Variants in BTBD9 observed in about 807,000 individuals in gnomAD.
BTBD9 encodes BTB domain containing 9, also known as BTB/POZ domain-containing protein 9.
In BTBD9, 49 loss-of-function variants were observed where a neutral mutation model predicts 64.3. The observed-to-expected ratio is 0.76, with a 90% CI of 0.61 to 0.97. The LOEUF (loss-of-function observed/expected upper bound fraction) is 0.97. BTBD9 is among the 50% of genes least tolerant of loss of function. The pLI is 0.00. For synonymous variants in BTBD9, 260 were observed against 274.7 expected, an observed-to-expected ratio of 0.95 and a Z score of 0.53; for missense variants, 598 against 762.1, an observed-to-expected ratio of 0.78 and a Z score of 2.53.
intron 1 of BTBD9, among the ~76,000 whole-genome samples, chr6:38,616,352 G>T (rs1777789005): frequency 6.6e-6 from 1 of 152,122 alleles, no homozygotes. Context: ...TTATATAATG[G>T]CCATCAATAC....
At chr6:38,434,293 T>C (rs796991924) in intron 6 of BTBD9, among the ~76,000 whole-genome samples, 1 of 151,960 alleles carries the variant, frequency 6.6e-6, no homozygotes, top group Non-Finnish European at 1.5e-5. Flanking sequence ...ACATTCGTCA[T>C]CTGTTGTCTC....
intron 7 of BTBD9, among the ~76,000 whole-genome samples, chr6:38,326,067 AG>A (rs897723593): frequency 4.6e-5 from 7 of 152,082 alleles, no homozygotes; most frequent in South Asian, 2.1e-4. Flanking sequence ...GACTAGGGGT[AG>A]GGGGGGTCAG....
Position 38,455,210 on chromosome 6 carries a change from C to A in BTBD9, c.1155-110117G>T, listed in dbSNP as rs894536289. ...TTTAAAAAATGCAGAGACTCATGTA[C>A]TTACCACCACAACAATCACAAAACA... On this transcript the variant is annotated intron_variant, in intron 6 of 10. Coordinates refer to ENST00000481247, the MANE Select transcript of BTBD9 (RefSeq NM_001099272.2). Among the ~76,000 whole-genome samples the A allele has an allele frequency of 2.0e-5, 3 of 152,192 alleles. No homozygotes were observed. The East Asian group carries it at 5.8e-4, about 29-fold the overall frequency.
At chr6:38,391,395 C>T (rs891786196) in intron 6 of BTBD9, among the ~76,000 whole-genome samples, 13 of 152,116 alleles carry the variant, frequency 8.5e-5, no homozygotes, top group African/African-American at 3.1e-4. Flanking sequence ...TTGGAGAAGG[C>T]TTTTTGGATG....
intron 9 of BTBD9, among the ~76,000 whole-genome samples, chr6:38,198,686 T>C (rs557419949): frequency 1.2e-4 from 18 of 152,294 alleles, no homozygotes; most frequent in Admixed American, 3.3e-4. Context: ...GACAGGAAAG[T>C]ATTTGGCTAG....
At chr6:38,216,680 T>C (rs549303394) in intron 9 of BTBD9, among the ~76,000 whole-genome samples, 1 of 152,314 alleles carries the variant, frequency 6.6e-6, no homozygotes, top group Non-Finnish European at 1.5e-5. Context: ...AGAACCACTA[T>C]ACAATGAACT....
At chr6:38,295,006 C>T (rs1004695788) in intron 7 of BTBD9, among the ~76,000 whole-genome samples, 1 of 151,824 alleles carries the variant, frequency 6.6e-6, no homozygotes, top group Admixed American at 6.6e-5. Context: ...GAATCATTCT[C>T]AATTTCTCTT....
intron 6 of BTBD9, among the ~76,000 whole-genome samples, chr6:38,371,176 T>A (rs980347110): frequency 4.6e-5 from 7 of 152,164 alleles, no homozygotes; most frequent in African/African-American, 1.7e-4. Flanking sequence ...CCCCATTGCT[T>A]TAATGGGTCT....
intron 1 of BTBD9, among the ~76,000 whole-genome samples, chr6:38,600,594 C>T (rs556796374): frequency 1.3e-5 from 2 of 152,124 alleles, no homozygotes; most frequent in South Asian, 2.1e-4. Flanking sequence ...CTAAACAAAA[C>T]GCTCTTCCTG....
rs184399220 is a variant in BTBD9 at position 38,392,992 on chromosome 6, A to G, written c.1155-47899T>C. On this transcript the variant is annotated intron_variant, in intron 6 of 10. Coordinates refer to ENST00000481247, the MANE Select transcript of BTBD9 (RefSeq NM_001099272.2). The stretch of plus-strand genomic sequence containing the variant: ...CAGGTTCAAACAATTCTCCTGCCTC[A>G]GGCTCCTGAGTAGCTGGGATTACAG... Among the ~76,000 whole-genome samples, 3 of 151,286 alleles carry G rather than the reference A, an allele frequency of 2.0e-5. 1 individual carries two copies. In the East Asian group the frequency reaches 5.9e-4, roughly 30 times the overall value.
intron 7 of BTBD9, among the ~76,000 whole-genome samples, chr6:38,301,018 T>A (rs1762378114): frequency 6.6e-6 from 1 of 152,218 alleles, no homozygotes; most frequent in African/African-American, 2.4e-5. Context: ...GCTCTTATTA[T>A]TTTGAGATAC....
intron 1 of BTBD9, chr6:38,612,825 T>C (rs1447541604): frequency 6.6e-6 from 1 of 152,260 alleles, no homozygotes; most frequent in Non-Finnish European, 1.5e-5. Context: ...CAAGAATTAC[T>C]ACTCTTACCT....
intron 6 of BTBD9, among the ~76,000 whole-genome samples, chr6:38,474,135 T>C (rs541050316): frequency 1.3e-5 from 2 of 152,208 alleles, no homozygotes; most frequent in Non-Finnish European, 2.9e-5. Context: ...ATCTGATTTA[T>C]GTCTTAAAAA....
chr6:38,379,426 G>A (rs919814937), intron 6 of BTBD9, among the ~76,000 whole-genome samples: 1 of 152,108 alleles, frequency 6.6e-6, no homozygotes, highest in Non-Finnish European at 1.5e-5. Context: ...TCTTCTAGCG[G>A]GTTTGCTCTA....
intron 6 of BTBD9, among the ~76,000 whole-genome samples, chr6:38,454,263 A>C (rs1769687938): frequency 6.6e-6 from 1 of 152,082 alleles, no homozygotes; most frequent in Non-Finnish European, 1.5e-5. Flanking sequence ...CTCTTAAAAA[A>C]CGGGGGAAAT....
At chr6:38,549,124 TCA>T (rs1040790115) in intron 6 of BTBD9, among the ~76,000 whole-genome samples, 7 of 152,230 alleles carry the variant, frequency 4.6e-5, no homozygotes, top group African/African-American at 1.7e-4. Context: ...CTTTTAATGC[TCA>T]GTTTCATAAA....
chr6:38,210,536 TTGTGTGTGTGTGTGTGTG>T (rs71542165), intron 9 of BTBD9, among the ~76,000 whole-genome samples: 12 of 146,452 alleles, frequency 8.2e-5, no homozygotes, highest in Non-Finnish European at 1.7e-4. Context: ...GTGCGTGTGT[TTGTGTGTGTGTGTGTGTG>T]TGTGTGTGTG....
intron 6 of BTBD9, chr6:38,566,039 T>C (rs1775478937): frequency 6.6e-6 from 1 of 152,134 alleles, no homozygotes; most frequent in Non-Finnish European, 1.5e-5. Context: ...TTCTCACTAC[T>C]GCACTTGACT....
chr6:38,487,469 G>A lies in BTBD9; in HGVS notation c.1154+90131C>T, dbSNP rs147484979. Among the ~76,000 whole-genome samples, 303 of 152,064 alleles carry A rather than the reference G, an allele frequency of 2.0e-3. 1 individual carries two copies. Among genetic ancestry groups the A allele is most frequent in the Non-Finnish European group, 3.4e-3 (229 of 67,956 alleles). ...GGTGGCACATGCCTGTAATCCCAGC[G>A]ACTCTGAAGGCTGAGGTGGGAGGAT... is the stretch of plus-strand genomic sequence containing the variant. On this transcript the variant is annotated intron_variant, in intron 6 of 10. Coordinates refer to ENST00000481247, the MANE Select transcript of BTBD9 (RefSeq NM_001099272.2).
Sources: allele counts gnomAD v4.1 joint callset (sites outside exome capture counted in the v4.1 genomes callset), GRCh38; gene constraint gnomAD v4.1.1; transcripts MANE v1.5; gene names NCBI Gene and HGNC (gene_info 2026-07-23, HGNC 2026-07-21).